Variants in SLC8B1 observed in about 807,000 individuals in gnomAD.
SLC8B1 encodes mitochondrial sodium/calcium exchanger protein.
SLC8B1 carries 52 observed loss-of-function variants against 63.4 expected under a neutral mutation model. The observed-to-expected ratio is 0.82, with a 90% CI of 0.66 to 1.03. The LOEUF is 1.03. Among genes scored for constraint, SLC8B1 ranks in the 50% least tolerant of loss-of-function variants. SLC8B1 has a pLI of 0.00. For missense variants in SLC8B1, 657 were observed against 741.7 expected, an observed-to-expected ratio of 0.89 and a Z score of 1.33; for synonymous variants, 336 against 323.9, an observed-to-expected ratio of 1.04 and a Z score of -0.40.
chr12:113,332,684 C>T (rs1278363765), intron 2 of SLC8B1, 39 bp downstream of exon 2: 22 of 1,593,048 alleles, frequency 1.4e-5, no homozygotes, highest in Non-Finnish European at 1.9e-5. Flanking sequence ...TGGAGGAACA[C>T]AGCCCCACTC....
At chr12:113,304,427 A>G (rs1231981775) in intron 14 of SLC8B1, 42 bp from the exon 15 acceptor site, 5 of 1,577,614 alleles carry the variant, frequency 3.2e-6, no homozygotes, top group African/African-American at 1.3e-5. Context: ...TGGCCTGCAC[A>G]TAACCCAACC....
At chr12:113,311,870 CTGAGA>C (rs1292820428) in intron 11 of SLC8B1, among the ~76,000 whole-genome samples, 2 of 151,902 alleles carry the variant, frequency 1.3e-5, no homozygotes, top group South Asian at 2.1e-4. Flanking sequence ...TGCCCAGCTC[CTGAGA>C]TAATTTTGCC....
intron 2 of SLC8B1, among the ~76,000 whole-genome samples, chr12:113,327,011 A>G (rs1268224032): frequency 1.3e-5 from 2 of 152,008 alleles, no homozygotes; most frequent in Non-Finnish European, 2.9e-5. Context: ...TCCCACCCAA[A>G]AGCAACAGTC....
At chr12:113,318,134 T>C (rs1956863434) in intron 8 of SLC8B1, among the ~76,000 whole-genome samples, 1 of 152,234 alleles carries the variant, frequency 6.6e-6, no homozygotes, top group African/African-American at 2.4e-5. Flanking sequence ...TCTGTGTATG[T>C]TGTATATGTG....
intron 12 of SLC8B1, among the ~76,000 whole-genome samples, chr12:113,309,852 G>C (rs1360890718): frequency 6.6e-6 from 1 of 152,078 alleles, no homozygotes; most frequent in African/African-American, 2.4e-5. Context: ...TGGTTGCCAG[G>C]GGCTATGTGG....
rs771550605 is a variant in SLC8B1, at chr12:113,320,500, TG to T, written c.527-3del. On this transcript the variant is annotated splice_polypyrimidine_tract_variant and splice_region_variant and intron_variant, in intron 6 of 15. Transcript: ENST00000680972. The surrounding 1 kb of genome is among the most constrained non-coding windows in gnomAD (Gnocchi z 5.3). ...CTGTGGTAACCAGCACGCCAGCGCC[TG>T]GGGGGAGGAGGCCAGAGCTCAGCCA... The T allele has an allele frequency of 3.7e-6, 6 of 1,614,022 alleles. No homozygotes were observed. The highest frequency in any genetic ancestry group is 3.3e-5 in the Admixed American group (2 of 60,016).
chr12:113,315,829 GC>G (rs1340596301), intron 10 of SLC8B1, among the ~76,000 whole-genome samples: 1 of 152,090 alleles, frequency 6.6e-6, no homozygotes, highest in Admixed American at 6.6e-5. Flanking sequence ...TGCTCCTGTC[GC>G]CACTTCTCAG....
chr12:113,303,141 A>ACACACG lies in SLC8B1; in HGVS notation c.1557+1179_1557+1180insCGTGTG, dbSNP rs773636454. 9.0e-4 allele frequency among the ~76,000 whole-genome samples: 131 copies of ACACACG among 145,736 alleles called. 1 individual carries two copies. Among genetic ancestry groups the ACACACG allele is most frequent in the African/African-American group, 2.7e-3 (102 of 38,142 alleles). On this transcript the variant is annotated intron_variant, in intron 15 of 15. Transcript: ENST00000680972. ...CACACACACACACACACACACACAC[A>ACACACG]CGCGCGCGCACAGGAGAAAAGAGGA... is the stretch of plus-strand genomic sequence containing the variant.
chr12:113,303,095 ACTC>A (rs996563678), intron 15 of SLC8B1, among the ~76,000 whole-genome samples: 3 of 141,514 alleles, frequency 2.1e-5, no homozygotes, highest in African/African-American at 8.2e-5. Flanking sequence ...CACTTCCTAA[ACTC>A]AGCACAAAGG....
In SLC8B1 at chr12:113,307,872, C is replaced by T. The variant is rs1360037586; in HGVS notation, c.1258-28G>A. 2 of 1,604,470 alleles carry T rather than the reference C, an allele frequency of 1.2e-6. 1 individual carries two copies. Among genetic ancestry groups the T allele is most frequent in the Admixed American group, 3.3e-5 (2 of 59,726 alleles). ...GCGGAGGGAATGGTTTGCTGTGGGA[C>T]CAAGGCCAGCCCCAACAGGAACACA... On this transcript the variant is annotated intron_variant, in intron 12 of 15. Coordinates refer to ENST00000680972, the MANE Select transcript of SLC8B1 (RefSeq NM_001358345.2).
intron 2 of SLC8B1, among the ~76,000 whole-genome samples, chr12:113,324,410 T>TC (rs1302590044): frequency 6.9e-6 from 1 of 145,212 alleles, no homozygotes; most frequent in Non-Finnish European, 1.5e-5. Flanking sequence ...ACCTTTTTTT[T>TC]TTTTTTTTTT....
chr12:113,331,543 C>A (rs1169745458), intron 2 of SLC8B1, among the ~76,000 whole-genome samples: 1 of 152,130 alleles, frequency 6.6e-6, no homozygotes, highest in Non-Finnish European at 1.5e-5. Flanking sequence ...TTCTGGCCTG[C>A]ATCTTTCTCC....
At chr12:113,312,167 C>T (rs1032549928) in intron 11 of SLC8B1, among the ~76,000 whole-genome samples, 4 of 152,050 alleles carry the variant, frequency 2.6e-5, no homozygotes, top group African/African-American at 9.7e-5. Context: ...GGTGCGGTGG[C>T]TCACACCTAT....
chr12:113,318,305 G>A (rs1011954539), intron 8 of SLC8B1, among the ~76,000 whole-genome samples: 28 of 151,748 alleles, frequency 1.8e-4, no homozygotes, highest in African/African-American at 6.8e-4. Context: ...ATGTATTTGT[G>A]TATGTGCGCA....
intron 12 of SLC8B1, 181 bp from the exon 13 acceptor site, chr12:113,308,025 CA>C (rs1300041381): frequency 4.3e-6 from 3 of 696,704 alleles, no homozygotes; most frequent in Admixed American, 7.0e-5. Context: ...AACGTGAGTT[CA>C]ATATTATTTT....
intron 15 of SLC8B1, among the ~76,000 whole-genome samples, chr12:113,303,032 A>C (rs1956613379): frequency 6.6e-6 from 1 of 150,614 alleles, no homozygotes; most frequent in Non-Finnish European, 1.5e-5. Flanking sequence ...CACATTTCCT[A>C]AACTCAGCAC....
intron 11 of SLC8B1, among the ~76,000 whole-genome samples, chr12:113,313,269 T>TTC (rs1956787123): frequency 6.6e-6 from 1 of 152,042 alleles, no homozygotes; most frequent in South Asian, 2.1e-4. Context: ...ATGATGCAAT[T>TTC]CTACTACAGT....
intron 11 of SLC8B1, among the ~76,000 whole-genome samples, chr12:113,311,697 ATT>A (rs58060872): frequency 0.44 from 42,093 of 95,722 alleles, 8,632 homozygotes; most frequent in Middle Eastern, 0.58. Context: ...GTCAAGGGGG[ATT>A]TTTTTTTTTT....
At chr12:113,318,274 TTG>T (rs764147257) in intron 8 of SLC8B1, among the ~76,000 whole-genome samples, 19 of 151,506 alleles carry the variant, frequency 1.3e-4, no homozygotes, top group Non-Finnish European at 2.2e-4. Flanking sequence ...GTGCATGTAT[TTG>T]TGTTGCATGT....
Sources: allele counts gnomAD v4.1 joint callset (sites outside exome capture counted in the v4.1 genomes callset), GRCh38; gene constraint gnomAD v4.1.1; non-coding constraint Gnocchi (gnomAD v3.1); transcripts MANE v1.5; gene names NCBI Gene and HGNC (gene_info 2026-07-23, HGNC 2026-07-21).